Variants in TRPM3 observed in about 807,000 individuals in gnomAD.
The protein encoded by TRPM3 is transient receptor potential cation channel subfamily M member 3, also known as long transient receptor potential channel 3.
Under a neutral mutation model 181.2 loss-of-function variants are expected in TRPM3, and 77 were observed. The observed-to-expected ratio is 0.42, with a 90% CI of 0.35 to 0.51. The LOEUF is 0.51. Among genes scored for constraint, TRPM3 ranks in the 20% least tolerant of loss-of-function variants. The pLI, the probability that TRPM3 is intolerant of heterozygous loss-of-function variation, is 0.01. For missense variants in TRPM3, 1,759 were observed against 2,196.7 expected (o/e 0.80, Z 3.98); for synonymous variants, 745 against 796.4 (o/e 0.94, Z 1.09).
chr9:71,315,710 T>C (rs1228791655), intron 1 of TRPM3, among the ~76,000 whole-genome samples: 2 of 152,160 alleles, frequency 1.3e-5, no homozygotes, highest in Non-Finnish European at 2.9e-5. Context: ...ACAAAGAGGA[T>C]ATTATCCAGC....
At position 70,788,101 on chromosome 9, in the gene TRPM3, C is replaced by T. The variant is rs569156197; in HGVS notation, c.974-3822G>A. Among the ~76,000 whole-genome samples the T allele has an allele frequency of 1.3e-4, 19 of 147,788 alleles. No individual in the cohort carries two copies. In the South Asian group the frequency reaches 2.9e-3, roughly 22 times the overall value. On this transcript the variant is annotated intron_variant, in intron 6 of 25. Coordinates refer to ENST00000677713, the MANE Select transcript of TRPM3 (RefSeq NM_001366145.2). ...TATGTATACATGTGCCATGCTGGTG[C>T]GCTGCACCCACTAACTCGTCATCTA...
chr9:71,107,253 G>A (rs1162295988), intron 1 of TRPM3, among the ~76,000 whole-genome samples: 1 of 152,104 alleles, frequency 6.6e-6, no homozygotes, highest in Non-Finnish European at 1.5e-5. Context: ...AGTTCCCACT[G>A]TGAGCAATAA....
chr9:70,640,792 G>C (rs1189616255), intron 9 of TRPM3, 132 bp from the exon 10 acceptor site: 1 of 626,706 alleles, frequency 1.6e-6, no homozygotes, highest in African/African-American at 1.8e-5. Context: ...CTATACAGCA[G>C]GTTTCTCAAA....
Position 70,552,959 on chromosome 9 carries a change from C to T in TRPM3, c.3459G>A (p.Arg1153=). 1 of 1,614,148 alleles carries T rather than the reference C, an allele frequency of 6.2e-7. No homozygotes were observed. Among genetic ancestry groups the T allele is most frequent in the Non-Finnish European group, 8.5e-7 (1 of 1,180,018 alleles). ...RYQLIMTFHE[R]PVLPPPLIIF... ...TGATCAGTGGTGGGGGCAGAACTGG[C>T]CTTTCATGGAAAGTCATGATGAGCT... Residue 1153 remains arginine (R), a synonymous_variant, in exon 24 of 26, where the codon AGG becomes AGA. Transcript: ENST00000677713.
intron 25 of TRPM3, among the ~76,000 whole-genome samples, chr9:70,543,990 T>A (rs1400428277): frequency 6.6e-6 from 1 of 152,148 alleles, no homozygotes; most frequent in East Asian, 1.9e-4. Context: ...TTATTCAGGA[T>A]GAATTTTAAC....
chr9:71,420,681 AAG>A (rs1203106626), intron 1 of TRPM3, among the ~76,000 whole-genome samples: 7 of 88,840 alleles, frequency 7.9e-5, no homozygotes, highest in African/African-American at 1.7e-4. Flanking sequence ...GAGAGAAAGA[AAG>A]AGAAAGGGAA....
Position 70,549,633 on chromosome 9 carries a change from A to T in TRPM3, c.3616T>A (p.Phe1206Ile). Residue 1206 changes from phenylalanine (F) to isoleucine (I), a missense_variant, in exon 25 of 26, where the codon TTT (phenylalanine) becomes ATT (isoleucine). Physicochemically the swap from Phe to Ile is conservative, Grantham distance 21 (BLOSUM62 0). Around this residue, in one of 8 missense-constraint regions of TRPM3, gnomAD observed 96 missense variants for 129.6 expected, o/e 0.74. Transcript: ENST00000677713. ...TDDELKKVHDFEEQCIEEYFR... is the reference protein window; with the variant it reads ...TDDELKKVHDIEEQCIEEYFR... ...TATTCTTCTATGCATTGCTCTTCAA[A>T]GTCATGTACTTTCTTGAGCTCATCA... 6.2e-7 allele frequency: 1 copy of T among 1,612,496 alleles called. No individual in the cohort carries two copies. Among genetic ancestry groups the T allele is most frequent in the East Asian group, 2.2e-5 (1 of 44,886 alleles).
chr9:71,376,645 T>C (rs1028936299), intron 1 of TRPM3, among the ~76,000 whole-genome samples: 1 of 152,092 alleles, frequency 6.6e-6, no homozygotes, highest in Non-Finnish European at 1.5e-5. Flanking sequence ...TCGTCATTAT[T>C]ATCCTGATCA....
chr9:70,892,144 T>C (rs2132863872), intron 1 of TRPM3, among the ~76,000 whole-genome samples: 1 of 152,342 alleles, frequency 6.6e-6, no homozygotes, highest in African/African-American at 2.4e-5. Context: ...ATCGCCCATG[T>C]TATTTTAACA....
rs41287371 is a variant in TRPM3, at chr9:70,535,764, T to G, written c.*189A>C. The G allele has an allele frequency of 1.1e-5, 16 of 1,468,466 alleles. No individual in the cohort carries two copies. Among genetic ancestry groups the G allele is most frequent in the Non-Finnish European group, 1.3e-5 (15 of 1,118,820 alleles). The allele number at this position is 1,468,466 out of a possible 1,614,324, so 91.0% of individuals were successfully genotyped here. A position where few individuals can be genotyped will look rare whatever the true frequency, so the allele number is the denominator to read the frequency against. On this transcript the variant is annotated 3_prime_UTR_variant, in exon 26 of 26. Transcript: ENST00000677713. ...GCCTTAAATCCCCTGTGTCTGGCAC[T>G]GGGTCAGATCAAATGCTTTCTTGAT...
intron 1 of TRPM3, among the ~76,000 whole-genome samples, chr9:71,373,818 CA>C (rs1464143289): frequency 6.6e-6 from 1 of 152,060 alleles, no homozygotes; most frequent in Non-Finnish European, 1.5e-5. Context: ...GGCAGAGATA[CA>C]ACAAAAAAGC....
intron 9 of TRPM3, among the ~76,000 whole-genome samples, chr9:70,645,442 A>G (rs1295344640): frequency 6.6e-6 from 1 of 152,190 alleles, no homozygotes; most frequent in Non-Finnish European, 1.5e-5. Flanking sequence ...AAACCTGACA[A>G]AAACAAGCAA....
At chr9:70,697,905 T>C (rs1179395311) in intron 8 of TRPM3, among the ~76,000 whole-genome samples, 1 of 152,214 alleles carries the variant, frequency 6.6e-6, no homozygotes, top group African/African-American at 2.4e-5. Flanking sequence ...GTTACCGCTA[T>C]AGCCCCATTA....
At chr9:70,811,262 CTT>C in intron 6 of TRPM3, 4 of 1,590,282 alleles carry the variant, frequency 2.5e-6, no homozygotes, top group Non-Finnish European at 3.4e-6. Context: ...AAAATAAAAT[CTT>C]TGAAATTTCT....
At chr9:71,160,237 T>G (rs28628329) in intron 1 of TRPM3, among the ~76,000 whole-genome samples, 36,018 of 152,002 alleles carry the variant, frequency 0.24, 4,995 homozygotes, top group African/African-American at 0.39. Flanking sequence ...CAATTCTCAA[T>G]GAATTATTCT....
At chr9:70,694,238 G>C (rs1359952443) in intron 8 of TRPM3, among the ~76,000 whole-genome samples, 1 of 152,130 alleles carries the variant, frequency 6.6e-6, no homozygotes, top group Non-Finnish European at 1.5e-5. Flanking sequence ...TGTGTTGAAA[G>C]GATCTTGGCC....
At chr9:71,411,885 G>C (rs2093556389) in intron 1 of TRPM3, among the ~76,000 whole-genome samples, 1 of 152,162 alleles carries the variant, frequency 6.6e-6, no homozygotes, top group African/African-American at 2.4e-5. Flanking sequence ...GCATGGTACT[G>C]GTACCAGAAC....
In TRPM3 at chr9:71,121,541, A is replaced by AG. The variant is rs1351542968; in HGVS notation, c.-188dup. On this transcript the variant is annotated 5_prime_UTR_variant, in exon 1 of 26. Coordinates refer to ENST00000677713, the MANE Select transcript of TRPM3 (RefSeq NM_001366145.2). The stretch of plus-strand genomic sequence containing the variant: ...AGGCACACTGCCTGCTGCTTCGGGG[A>AG]GGGGATGCACGATTTTGAAGAAGAG... 7.2e-7 allele frequency: 1 copy of AG among 1,389,642 alleles called. No homozygotes were observed. Among genetic ancestry groups the AG allele is most frequent in the Non-Finnish European group, 9.3e-7 (1 of 1,074,870 alleles). 86.1% of individuals were successfully genotyped at this position (1,389,642 alleles called of 1,614,324 possible). A position where few individuals can be genotyped will look rare whatever the true frequency, so the allele number is the denominator to read the frequency against.
intron 9 of TRPM3, among the ~76,000 whole-genome samples, chr9:70,650,629 G>A (rs1053808189): frequency 6.6e-6 from 1 of 152,030 alleles, no homozygotes; most frequent in East Asian, 1.9e-4. Context: ...GACCAGTTAT[G>A]CTTTTGTTGG....
Sources: allele counts gnomAD v4.1 joint callset (sites outside exome capture counted in the v4.1 genomes callset), GRCh38; gene constraint gnomAD v4.1.1; regional missense constraint gnomAD v4.1.1; transcripts MANE v1.5; gene names NCBI Gene and HGNC (gene_info 2026-07-23, HGNC 2026-07-21).